Variants in RIMBP2 observed in about 807,000 individuals in gnomAD.
RIMBP2 encodes RIMS binding protein 2.
A neutral mutation model predicts 118.6 loss-of-function variants in RIMBP2; 48 were observed. That is an observed-to-expected ratio of 0.40 (90% CI 0.32 to 0.51). The LOEUF is 0.51. RIMBP2 is among the 20% of genes least tolerant of loss of function. The pLI is 0.41. For synonymous variants in RIMBP2, 762 were observed against 742.9 expected (o/e 1.03, Z -0.42); for missense variants, 1,551 against 1,768.3 (o/e 0.88, Z 2.20).
chr12:130,702,699 G>C (rs1216737791), intron 1 of RIMBP2, among the ~76,000 whole-genome samples: 14 of 152,116 alleles, frequency 9.2e-5, no homozygotes, highest in Admixed American at 5.9e-4. Context: ...TGTTTTGTTA[G>C]TATTAATTTC....
intron 6 of RIMBP2, among the ~76,000 whole-genome samples, chr12:130,459,989 G>A (rs1239532788): frequency 6.6e-6 from 1 of 152,218 alleles, no homozygotes; most frequent in Non-Finnish European, 1.5e-5. Flanking sequence ...ACAGATATTT[G>A]ATGGATCACA....
intron 2 of RIMBP2, among the ~76,000 whole-genome samples, chr12:130,582,838 C>T (rs2058566360): frequency 6.6e-6 from 1 of 152,192 alleles, no homozygotes; most frequent in Non-Finnish European, 1.5e-5. Flanking sequence ...TTGTCTAGTT[C>T]ATTCATTCCA....
At chr12:130,649,412 G>T (rs535305268) in intron 1 of RIMBP2, among the ~76,000 whole-genome samples, 70 of 152,342 alleles carry the variant, frequency 4.6e-4, no homozygotes, top group Middle Eastern at 3.4e-3. Context: ...AGCCAGTGGG[G>T]TACTGGGAAG....
At chr12:130,645,057 T>TACACC (rs1340388838) in intron 1 of RIMBP2, among the ~76,000 whole-genome samples, 1 of 152,024 alleles carries the variant, frequency 6.6e-6, no homozygotes, top group Non-Finnish European at 1.5e-5. Context: ...TTGGAGTGTT[T>TACACC]ACACCACAGA....
chr12:130,535,748 T>TGTATAC (rs2053995601), intron 2 of RIMBP2, among the ~76,000 whole-genome samples: 2 of 31,808 alleles, frequency 6.3e-5, no homozygotes, highest in Non-Finnish European at 1.5e-4. Context: ...CATATATATA[T>TGTATAC]ATATATATAT....
intron 1 of RIMBP2, among the ~76,000 whole-genome samples, chr12:130,646,298 T>A (rs200197963): frequency 0.033 from 165 of 4,972 alleles, 20 homozygotes; most frequent in South Asian, 0.069. Flanking sequence ...CACCTGCCTC[T>A]CCACCTCCCT....
chr12:130,481,804 G>A (rs1195602817), intron 4 of RIMBP2, among the ~76,000 whole-genome samples: 1 of 152,168 alleles, frequency 6.6e-6, no homozygotes, highest in Non-Finnish European at 1.5e-5. Context: ...GGTATTTGCT[G>A]CACAGCCCTC....
Position 130,646,861 on chromosome 12 carries a change from C to T in RIMBP2, c.-351-18405G>A, listed in dbSNP as rs367658425. Among the ~76,000 whole-genome samples the T allele has an allele frequency of 2.6e-5, 4 of 152,356 alleles. No homozygotes were observed. The East Asian group carries it at 7.7e-4, about 29-fold the overall frequency. ...AGACTCTGCAGCCACGACACACAGG[C>T]GCCATGGGCATGACAGTGGGTGAGG... On this transcript the variant is annotated intron_variant, in intron 1 of 22. Transcript: ENST00000690449.
chr12:130,504,994 A>T (rs1331999991), intron 4 of RIMBP2, among the ~76,000 whole-genome samples: 4 of 152,154 alleles, frequency 2.6e-5, no homozygotes, highest in Non-Finnish European at 5.9e-5. Context: ...CCAGGGATTC[A>T]CGGCACACCC....
At chr12:130,631,021 A>C (rs760859818) in intron 1 of RIMBP2, among the ~76,000 whole-genome samples, 2 of 152,174 alleles carry the variant, frequency 1.3e-5, no homozygotes, top group Admixed American at 6.5e-5. Flanking sequence ...CTAAACAGGG[A>C]TAGAGAAGAA....
At chr12:130,557,438 C>T (rs1019847952) in intron 2 of RIMBP2, among the ~76,000 whole-genome samples, 12 of 152,230 alleles carry the variant, frequency 7.9e-5, no homozygotes, top group African/African-American at 2.7e-4. Flanking sequence ...CTCAGCCATG[C>T]GAGTGACCTT....
rs116070199 is a variant in RIMBP2 at position 130,650,716 on chromosome 12, A to C, written c.-351-22260T>G. The stretch of plus-strand genomic sequence containing the variant: ...GAAGACCCCTTTCCACCAACTCAGT[A>C]AACAAGGGAGACTCTGAGTTGTTTT... On this transcript the variant is annotated intron_variant, in intron 1 of 22. Transcript: ENST00000690449. 4.0e-3 allele frequency among the ~76,000 whole-genome samples: 604 copies of C among 152,326 alleles called. 3 individuals are homozygous for C. Among genetic ancestry groups the C allele is most frequent in the African/African-American group, 0.014 (568 of 41,578 alleles).
chr12:130,588,761 C>T (rs746765626), intron 2 of RIMBP2, among the ~76,000 whole-genome samples: 4 of 152,256 alleles, frequency 2.6e-5, no homozygotes, highest in Non-Finnish European at 4.4e-5. Flanking sequence ...CTGTTGAACA[C>T]ATGAATATCG....
rs374575815 is a variant in RIMBP2, at chr12:130,451,240, G to A, written c.459C>T (p.Thr153=). 2.3e-5 allele frequency: 37 copies of A among 1,614,066 alleles called. No individual in the cohort carries two copies. In the African/African-American group the frequency reaches 4.0e-4, roughly 17 times the overall value. Residue 153 remains threonine, a synonymous_variant, in exon 8 of 23, where the codon ACC becomes ACT. Transcript: ENST00000690449. ...DRPEPLSAKP[T]FLSRSGSARC... is the part of the protein sequence containing the mutation. ...TTGCGCTACCGGATCTCGACAGGAA[G>A]GTGGGCTTGGCGGACAGAGGCTCCG...
In RIMBP2 at chr12:130,528,635, C is replaced by T. The variant is rs11060971; in HGVS notation, c.-216-10718G>A. Among the ~76,000 whole-genome samples, 5 of 152,330 alleles carry T rather than the reference C, an allele frequency of 3.3e-5. No homozygotes were observed. The East Asian group carries it at 7.7e-4, about 23-fold the overall frequency. On this transcript the variant is annotated intron_variant, in intron 2 of 22. Coordinates refer to ENST00000690449, the MANE Select transcript of RIMBP2 (RefSeq NM_001393629.1). ...ATAAAAATGTCTCTCAATAATTGTACTTCATCAACTTACATGTATCTGCAA... is the reference window on the plus strand; with the variant it reads ...ATAAAAATGTCTCTCAATAATTGTATTTCATCAACTTACATGTATCTGCAA...
chr12:130,478,986 G>C lies in RIMBP2; in HGVS notation c.28C>G (p.Gln10Glu), dbSNP rs1331622400. ...GCCTGGTCATGCTCCAACTGCAGCT[G>C]CTGCCGCCGTTCAGCCGCCTCTCGC... MREAAERRQ[Q>E]LQLEHDQALA... The change falls in exon 5 of 23, where the codon CAG becomes GAG. Residue 10 changes from glutamine to glutamate, a missense_variant. Around this residue, in one of 5 missense-constraint regions of RIMBP2, gnomAD observed 239 missense variants for 256.8 expected, o/e 0.93. Transcript: ENST00000690449. 1.2e-6 allele frequency: 2 copies of C among 1,613,782 alleles called. No individual in the cohort carries two copies. The highest frequency in any genetic ancestry group is 8.5e-7 in the Non-Finnish European group (1 of 1,179,924).
intron 7 of RIMBP2, among the ~76,000 whole-genome samples, chr12:130,453,140 G>A (rs925752575): frequency 1.3e-5 from 2 of 152,220 alleles, no homozygotes; most frequent in African/African-American, 4.8e-5. Flanking sequence ...AACTGGCTGC[G>A]CCAGGGATAG....
chr12:130,637,964 T>TG (rs202196526), intron 1 of RIMBP2, among the ~76,000 whole-genome samples: 5 of 73,204 alleles, frequency 6.8e-5, no homozygotes, highest in Admixed American at 5.0e-4. Context: ...TCAGCCTTCT[T>TG]GGAATGCAAA....
chr12:130,575,915 T>C (rs1212723086), intron 2 of RIMBP2, among the ~76,000 whole-genome samples: 1 of 152,234 alleles, frequency 6.6e-6, no homozygotes, highest in Non-Finnish European at 1.5e-5. Context: ...TTCTGGGCTT[T>C]TTCTTTACTT....
Sources: allele counts gnomAD v4.1 joint callset (sites outside exome capture counted in the v4.1 genomes callset), GRCh38; gene constraint gnomAD v4.1.1; regional missense constraint gnomAD v4.1.1; transcripts MANE v1.5; gene names NCBI Gene and HGNC (gene_info 2026-07-23, HGNC 2026-07-21).